ORC2: variants seen among roughly 807,000 people sequenced by gnomAD.
The protein encoded by ORC2 is origin recognition complex subunit 2, also known as origin recognition complex protein 2 homolog.
Under a neutral mutation model 77.7 loss-of-function variants are expected in ORC2, and 37 were observed. The observed-to-expected ratio is 0.48, with a 90% confidence interval of 0.37 to 0.63. The LOEUF is 0.63. Ranked by LOEUF, ORC2 falls within the 20% of genes least tolerant of loss-of-function variation. The pLI is 0.00. For synonymous variants in ORC2, 201 were observed against 229.5 expected, an observed-to-expected ratio of 0.88 and a Z score of 1.12; for missense variants, 557 against 661.9, an observed-to-expected ratio of 0.84 and a Z score of 1.74.
intron 3 of ORC2, 114 bp downstream of exon 3, chr2:200,957,916 C>A (rs1470194776): frequency 1.8e-5 from 11 of 624,974 alleles, no homozygotes; most frequent in Admixed American, 2.9e-5. Flanking sequence ...GTTTTACTAA[C>A]CAGATCAATC....
Position 200,926,790 on chromosome 2 carries a change from A to G in ORC2, c.1028T>C (p.Phe343Ser). ...TACTGATTTCACACTGATTCCAGGA[A>G]AGAAGCCATTGATGACAACGTGAAT... ...DSIHVVINGF[F>S]PGISVKSVLN... Residue 343 changes from phenylalanine (F) to serine (S), a missense_variant, in exon 12 of 18, where the codon TTT becomes TCT. Transcript: ENST00000234296. 6.2e-7 allele frequency: 1 copy of G among 1,614,084 alleles called. No individual in the cohort carries two copies. The highest frequency in any genetic ancestry group is 1.1e-5 in the South Asian group (1 of 91,080).
intron 10 of ORC2, among the ~76,000 whole-genome samples, chr2:200,933,234 T>G (rs912245143): frequency 4.0e-5 from 6 of 151,726 alleles, no homozygotes; most frequent in African/African-American, 1.2e-4. Context: ...GTATTTTTTT[T>G]TTTTTTTTTT....
chr2:200,962,222 T>C (rs1315529862), intron 1 of ORC2, among the ~76,000 whole-genome samples: 1 of 152,144 alleles, frequency 6.6e-6, no homozygotes, highest in Non-Finnish European at 1.5e-5. Context: ...CACAATAAAA[T>C]GCAATATTTA....
chr2:200,910,070 C>CT lies in ORC2; in HGVS notation c.*1230dup, dbSNP rs2040525147. ...AAGCCATTATGCCTGGCCAAAATTA[C>CT]TTAATTATATGCCACAAGAAAAATT... On this transcript the variant is annotated 3_prime_UTR_variant, in exon 18 of 18. Transcript: ENST00000234296. 1 of 152,124 alleles carries CT rather than the reference C, an allele frequency of 6.6e-6. No homozygotes were observed. The highest frequency in any genetic ancestry group is 2.1e-4 in the South Asian group (1 of 4,836). 9.4% of individuals were successfully genotyped at this position (152,124 alleles called of 1,614,324 possible).
rs1269619588 is a variant in ORC2, at chr2:200,920,356, G to C, written c.1332C>G (p.Leu444=). ...GACTGTATGTAGTAGTTTCATACCA[G>C]AGCCAGTTAAAAAGACTCTGCTTTG... The part of the protein sequence containing the change: ...DHAKQSLFNW[L]WYETTTYSPY... The change falls in exon 15 of 18, where the codon CTC becomes CTG. Residue 444 remains leucine (L), a synonymous_variant. Transcript: ENST00000234296. 1 of 1,607,812 alleles carries C rather than the reference G, an allele frequency of 6.2e-7. No homozygotes were observed. The highest frequency in any genetic ancestry group is 2.2e-5 in the East Asian group (1 of 44,816).
chr2:200,956,760 A>C (rs1046474416), intron 4 of ORC2, among the ~76,000 whole-genome samples: 1 of 152,210 alleles, frequency 6.6e-6, no homozygotes, highest in South Asian at 2.1e-4. Context: ...TGACTGAGCA[A>C]GACCCTGTCT....
chr2:200,951,365 C>T (rs1345271269), intron 4 of ORC2, among the ~76,000 whole-genome samples: 1 of 152,180 alleles, frequency 6.6e-6, no homozygotes, highest in African/African-American at 2.4e-5. Context: ...AAGTATTCAA[C>T]TCATTTGGGT....
chr2:200,929,656 G>C (rs931780437), intron 11 of ORC2, among the ~76,000 whole-genome samples: 1 of 152,048 alleles, frequency 6.6e-6, no homozygotes, highest in African/African-American at 2.4e-5. Flanking sequence ...ATTAGCCCAG[G>C]CATGGTGGCA....
chr2:200,943,869 T>C (rs2041200360), intron 5 of ORC2, among the ~76,000 whole-genome samples: 1 of 152,048 alleles, frequency 6.6e-6, no homozygotes, highest in South Asian at 2.1e-4. Flanking sequence ...ATTATCCTGG[T>C]TCCCAAGCTA....
At position 200,913,322 on chromosome 2, in the gene ORC2, C is replaced by T; in HGVS notation, c.1620G>A (p.Arg540=). ...LTLRAQLTEF[R]DHKLIRTKKG... ...TCTTTGTTCTTATAAGCTTGTGGTC[C>T]CTAAATTCAGTTAACTGGGCCCGGA... The change falls in exon 17 of 18, where the codon AGG becomes AGA. Residue 540 remains arginine, a synonymous_variant. Transcript: ENST00000234296. 1 of 1,598,678 alleles carries T rather than the reference C, an allele frequency of 6.3e-7. No individual in the cohort carries two copies. Among genetic ancestry groups the T allele is most frequent in the Non-Finnish European group, 8.5e-7 (1 of 1,170,048 alleles).
chr2:200,946,646 A>G (rs2041254927), intron 5 of ORC2, among the ~76,000 whole-genome samples: 1 of 152,246 alleles, frequency 6.6e-6, no homozygotes, highest in Non-Finnish European at 1.5e-5. Flanking sequence ...AATACAACAC[A>G]TTATCATCTT....
chr2:200,921,765 T>G (rs1417491739), intron 13 of ORC2: 1 of 152,192 alleles, frequency 6.6e-6, no homozygotes, highest in Non-Finnish European at 1.5e-5. Flanking sequence ...GCCTCCCGAG[T>G]AGCTGGGACT....
intron 17 of ORC2, among the ~76,000 whole-genome samples, chr2:200,912,936 T>C (rs1344883731): frequency 6.6e-6 from 1 of 152,230 alleles, no homozygotes; most frequent in African/African-American, 2.4e-5. Context: ...AGATTTTTGC[T>C]TACTACTGTA....
At chr2:200,959,748 G>A (rs182452129) in intron 1 of ORC2, among the ~76,000 whole-genome samples, 4 of 152,220 alleles carry the variant, frequency 2.6e-5, no homozygotes, top group African/African-American at 9.6e-5. Flanking sequence ...AACTCTATGA[G>A]GTTCATACTT....
intron 4 of ORC2, among the ~76,000 whole-genome samples, chr2:200,956,121 T>C (rs1559024945): frequency 6.6e-6 from 1 of 152,212 alleles, no homozygotes; most frequent in Non-Finnish European, 1.5e-5. Context: ...AGGCTGAGTA[T>C]AGTGATGCAA....
chr2:200,934,530 T>C (rs2041001349), intron 9 of ORC2, among the ~76,000 whole-genome samples: 1 of 151,146 alleles, frequency 6.6e-6, no homozygotes, highest in Non-Finnish European at 1.5e-5. Context: ...GGTCTTATTA[T>C]GTTATCCAGG....
rs572383123 is a variant in ORC2 at position 200,950,839 on chromosome 2, G to C, written c.239-1196C>G. Among the ~76,000 whole-genome samples the C allele has an allele frequency of 4.6e-5, 7 of 152,260 alleles. No homozygotes were observed. The East Asian group carries it at 1.4e-3, about 29-fold the overall frequency. On this transcript the variant is annotated intron_variant, in intron 4 of 17. Transcript: ENST00000234296. ...TGATCTGTATTTCCACCAACGCTTG[G>C]TTTTATCCAAACTCCTTAATCTTTG... is the stretch of plus-strand genomic sequence containing the variant.
intron 4 of ORC2, among the ~76,000 whole-genome samples, chr2:200,950,550 A>T (rs2041333659): frequency 6.6e-6 from 1 of 152,186 alleles, no homozygotes; most frequent in Admixed American, 6.5e-5. Context: ...CTCTCAAACA[A>T]GAGTGTACAG....
At chr2:200,961,536 T>C (rs1347883378) in intron 1 of ORC2, among the ~76,000 whole-genome samples, 1 of 152,198 alleles carries the variant, frequency 6.6e-6, no homozygotes, top group African/African-American at 2.4e-5. Context: ...GGGTATTCTA[T>C]AGCAGGTAAC....
Sources: gnomAD v4.1 joint callset for allele counts (sites outside exome capture counted in the v4.1 genomes callset) on GRCh38, gnomAD v4.1.1 for gene constraint, MANE v1.5 for transcripts, NCBI Gene and HGNC (gene_info 2026-07-23, HGNC 2026-07-21) for gene names.